CXADR: variants seen among roughly 807,000 people sequenced by gnomAD.
The protein encoded by CXADR is coxsackievirus and adenovirus receptor.
A neutral mutation model predicts 40.3 loss-of-function variants in CXADR; 20 were observed. That is an observed-to-expected ratio of 0.50 (90% CI 0.35 to 0.72). The LOEUF is 0.72. Ranked by LOEUF, CXADR falls within the 30% of genes least tolerant of loss-of-function variation. The pLI is 0.01. For synonymous variants in CXADR, 150 were observed against 161.3 expected, an observed-to-expected ratio of 0.93 and a Z score of 0.53; for missense variants, 332 against 449.1, an observed-to-expected ratio of 0.74 and a Z score of 2.36.
downstream of CXADR, among the ~76,000 whole-genome samples, chr21:17,575,062 T>C (rs971176207): frequency 1.3e-5 from 2 of 151,974 alleles, no homozygotes; most frequent in East Asian, 3.9e-4. Context: ...AGGGTTGATA[T>C]TTAGGGGTCC....
the CXADR span, among the ~76,000 whole-genome samples, chr21:17,620,540 A>G: frequency 2.0e-5 from 3 of 152,218 alleles, no homozygotes; most frequent in African/African-American, 7.2e-5. Context: ...AAAATGTGAC[A>G]CAGAGACACA....
chr21:17,579,338 G>T (rs1226102310), intron 7 of CXADR, among the ~76,000 whole-genome samples: 7 of 151,304 alleles, frequency 4.6e-5, no homozygotes, highest in African/African-American at 1.7e-4. Flanking sequence ...AGGCTGGAGT[G>T]CAGTGGTGCA....
At chr21:17,578,314 T>C (rs189914554) in intron 7 of CXADR, among the ~76,000 whole-genome samples, 142 of 152,360 alleles carry the variant, frequency 9.3e-4, no homozygotes, top group Non-Finnish European at 1.6e-3. Context: ...TCTGTTTGTT[T>C]AATAGCTAAA....
the CXADR span, among the ~76,000 whole-genome samples, chr21:17,605,748 AAAT>A: frequency 6.6e-6 from 1 of 152,230 alleles, no homozygotes; most frequent in Non-Finnish European, 1.5e-5. Flanking sequence ...GCATTCTGTT[AAAT>A]GATAAGCATT....
At chr21:17,588,328 A>G (rs1377530742) in intron 7 of CXADR, among the ~76,000 whole-genome samples, 2 of 152,164 alleles carry the variant, frequency 1.3e-5, no homozygotes, top group African/African-American at 4.8e-5. Flanking sequence ...CTTGGGCAGT[A>G]TGGCCATTTT....
the CXADR span, among the ~76,000 whole-genome samples, chr21:17,605,948 G>GT: frequency 6.6e-6 from 1 of 152,088 alleles, no homozygotes; most frequent in Non-Finnish European, 1.5e-5. Flanking sequence ...TTGATGAATA[G>GT]TAATTACGCT....
At chr21:17,525,435 T>C (rs2060587141) in intron 1 of CXADR, among the ~76,000 whole-genome samples, 1 of 152,238 alleles carries the variant, frequency 6.6e-6, no homozygotes, top group Admixed American at 6.5e-5. Flanking sequence ...TCTCAAGGAA[T>C]CTCAAGGGAC....
At chr21:17,593,431 G>A (rs2061461442) in exon 8 of CXADR, 1 of 306,078 alleles carries the variant, frequency 3.3e-6, no homozygotes, top group Admixed American at 5.1e-5. Flanking sequence ...GTTAAAAGAT[G>A]TTTTATTATA....
At chr21:17,523,770 T>C (rs1418336483) in intron 1 of CXADR, among the ~76,000 whole-genome samples, 1 of 152,160 alleles carries the variant, frequency 6.6e-6, no homozygotes, top group Non-Finnish European at 1.5e-5. Context: ...TTACTGTCTT[T>C]CATCTAACTT....
intron 1 of CXADR, among the ~76,000 whole-genome samples, chr21:17,542,339 A>C (rs1427393137): frequency 6.6e-6 from 1 of 152,136 alleles, no homozygotes; most frequent in African/African-American, 2.4e-5. Context: ...TCATAACATT[A>C]CCTCCCTTCT....
intron 7 of CXADR, among the ~76,000 whole-genome samples, chr21:17,585,055 A>G (rs1016815410): frequency 3.3e-5 from 5 of 152,116 alleles, no homozygotes; most frequent in African/African-American, 1.2e-4. Context: ...TTTCCATTGA[A>G]TTTTGTGGCT....
At position 17,568,041 on chromosome 21, in the gene CXADR, T is replaced by C. The variant is rs2061234184; in HGVS notation, c.*2349T>C. ...GTTGAACCAGAGATCAAATATTTGC[T>C]CCCGAATTACTACTGGTAATCAAGT... On this transcript the variant is annotated 3_prime_UTR_variant, in exon 7 of 7. Coordinates refer to ENST00000284878, the MANE Select transcript of CXADR (RefSeq NM_001338.5). 2 of 983,878 alleles carry C rather than the reference T, an allele frequency of 2.0e-6. 1 individual carries two copies. Among genetic ancestry groups the C allele is most frequent in the South Asian group, 9.4e-5 (2 of 21,196 alleles). 60.9% of individuals were successfully genotyped at this position (983,878 alleles called of 1,614,324 possible). A position where few individuals can be genotyped will look rare whatever the true frequency, so the allele number is the denominator to read the frequency against.
the CXADR span, among the ~76,000 whole-genome samples, chr21:17,627,292 G>T: frequency 6.6e-6 from 1 of 152,052 alleles, no homozygotes; most frequent in African/African-American, 2.4e-5. Flanking sequence ...GGAGGCGGAG[G>T]TTGCGGTGAG....
chr21:17,517,062 C>G (rs914619938), intron 1 of CXADR, among the ~76,000 whole-genome samples: 6 of 151,870 alleles, frequency 4.0e-5, no homozygotes, highest in Admixed American at 3.9e-4. Flanking sequence ...TATTATTGGT[C>G]TTGCATCTCA....
intron 4 of CXADR, among the ~76,000 whole-genome samples, chr21:17,559,708 C>T (rs562793267): frequency 1.5e-5 from 2 of 134,176 alleles, no homozygotes; most frequent in South Asian, 2.4e-4. Flanking sequence ...CAAGGGGTCT[C>T]GCTCTGTCAC....
the CXADR span, among the ~76,000 whole-genome samples, chr21:17,627,430 CA>C: frequency 6.6e-6 from 1 of 152,018 alleles, no homozygotes; most frequent in Non-Finnish European, 1.5e-5. Context: ...CAAGGAAGGA[CA>C]AAGGACTTGA....
downstream of CXADR, among the ~76,000 whole-genome samples, chr21:17,573,470 A>G (rs1357544715): frequency 2.6e-5 from 4 of 152,224 alleles, no homozygotes; most frequent in African/African-American, 9.6e-5. Context: ...GCATAATAAC[A>G]GTATCAACAC....
rs967367288 is a variant in CXADR at position 17,583,032 on chromosome 21, G to T, written c.1018-10120G>T. ...CGTGATAGAAAAGATATCAGTGACT[G>T]CAATTTGCAACCTGTTGGGAAATCA... On this transcript the variant is annotated intron_variant, in intron 7 of 7. Transcript: ENST00000400169. Among the ~76,000 whole-genome samples, 6 of 152,324 alleles carry T rather than the reference G, an allele frequency of 3.9e-5. No individual in the cohort carries two copies. The Middle Eastern group carries it at 0.014, about 345-fold the overall frequency.
At position 17,565,452 on chromosome 21, in the gene CXADR, C is replaced by T. The variant is rs186649923; in HGVS notation, c.858C>T (p.Ser286=). ...GGGAAGATGTGCCACCTCCAAAGAG[C>T]CGTACGTCCACTGCCAGAAGCTACA... is the stretch of plus-strand genomic sequence containing the variant. ...DIREDVPPPK[S]RTSTARSYIG... Residue 286 remains serine, a synonymous_variant, in exon 7 of 7, where the codon AGC becomes AGT. Transcript: ENST00000284878. The T allele has an allele frequency of 5.6e-6, 9 of 1,613,870 alleles. No individual in the cohort carries two copies. The highest frequency in any genetic ancestry group is 1.1e-5 in the South Asian group (1 of 91,068).
Sources: gnomAD v4.1 joint callset for allele counts (sites outside exome capture counted in the v4.1 genomes callset) on GRCh38, gnomAD v4.1.1 for gene constraint, MANE v1.5 for transcripts, NCBI Gene and HGNC (gene_info 2026-07-23, HGNC 2026-07-21) for gene names.